The following CTNNA2 variants were observed in gnomAD, a reference collection of about 807,000 sequenced individuals.
CTNNA2 encodes the protein catenin alpha 2, also known as catenin alpha-2.
Under a neutral mutation model 101.0 loss-of-function variants are expected in CTNNA2, and 42 were observed. That is an observed-to-expected ratio of 0.42 (90% CI 0.32 to 0.54). The LOEUF is 0.54. Ranked by LOEUF, CTNNA2 falls within the 20% of genes least tolerant of loss-of-function variation. CTNNA2 has a pLI of 0.14. For synonymous variants in CTNNA2, 450 were observed against 456.4 expected (o/e 0.99, Z 0.18); for missense variants, 871 against 1,223.1 (o/e 0.71, Z 4.29).
chr2:79,953,273 T>TG (rs1227737216), intron 7 of CTNNA2, among the ~76,000 whole-genome samples: 1 of 152,156 alleles, frequency 6.6e-6, no homozygotes, highest in African/African-American at 2.4e-5. Flanking sequence ...TTTCTTTCAC[T>TG]GTACCTTGGT....
intron 7 of CTNNA2, among the ~76,000 whole-genome samples, chr2:80,140,356 G>A (rs1430048090): frequency 2.0e-5 from 3 of 152,180 alleles, no homozygotes; most frequent in South Asian, 4.1e-4. Flanking sequence ...TCACCACCTC[G>A]GGCATGCCAT....
chr2:80,578,307 A>C (rs3821068), intron 13 of CTNNA2, among the ~76,000 whole-genome samples: 3,815 of 152,278 alleles, frequency 0.025, 90 homozygotes, highest in South Asian at 0.11. Context: ...CTTCCCAAAG[A>C]GCACATAGAA....
intron 2 of CTNNA2, among the ~76,000 whole-genome samples, chr2:79,655,193 G>A (rs1446442411): frequency 3.3e-5 from 5 of 152,114 alleles, no homozygotes. Context: ...TAAAAAGTGA[G>A]TGACCTTTTC....
chr2:79,555,699 T>A (rs1279577929), intron 1 of CTNNA2, among the ~76,000 whole-genome samples: 1 of 152,054 alleles, frequency 6.6e-6, no homozygotes. Context: ...TATTTCACAT[T>A]AGGATTTACC....
intron 7 of CTNNA2, among the ~76,000 whole-genome samples, chr2:80,287,510 A>G (rs1288830081): frequency 1.3e-5 from 2 of 152,186 alleles, no homozygotes; most frequent in African/African-American, 4.8e-5. Context: ...ACCAAAAGTA[A>G]TGATGACGAG....
intron 1 of CTNNA2, among the ~76,000 whole-genome samples, chr2:79,559,115 A>G (rs1396119044): frequency 6.6e-6 from 1 of 151,962 alleles, no homozygotes; most frequent in Non-Finnish European, 1.5e-5. Context: ...CTTTATAGAT[A>G]GTGGAGAGGT....
chr2:79,383,533 G>A (rs1007171337), intron 4 of CTNNA2, among the ~76,000 whole-genome samples: 22 of 152,098 alleles, frequency 1.4e-4, no homozygotes, highest in African/African-American at 5.3e-4. Context: ...GTAAGAAGCT[G>A]TTTAAGGAAG....
At chr2:79,191,779 G>C (rs1349803758) in intron 1 of CTNNA2, among the ~76,000 whole-genome samples, 1 of 152,136 alleles carries the variant, frequency 6.6e-6, no homozygotes, top group Non-Finnish European at 1.5e-5. Flanking sequence ...TTCATGAGGG[G>C]AAGTCACAAG....
chr2:79,780,888 T>G (rs976661484), intron 3 of CTNNA2, among the ~76,000 whole-genome samples: 26 of 152,174 alleles, frequency 1.7e-4, no homozygotes, highest in Non-Finnish European at 2.8e-4. Context: ...TTTTCTTTGT[T>G]TTAAGCACTG....
At chr2:79,618,059 A>T (rs1304541068) in intron 1 of CTNNA2, among the ~76,000 whole-genome samples, 2 of 152,076 alleles carry the variant, frequency 1.3e-5, no homozygotes, top group African/African-American at 4.8e-5. Flanking sequence ...CACCACCAAC[A>T]CACACACTCC....
chr2:80,239,371 G>C (rs1709720405), intron 7 of CTNNA2, among the ~76,000 whole-genome samples: 1 of 152,170 alleles, frequency 6.6e-6, no homozygotes, highest in Non-Finnish European at 1.5e-5. Context: ...GTTTGTGTAT[G>C]TGTGTGGGGA....
chr2:79,204,619 C>G (rs1674078293), intron 2 of CTNNA2, among the ~76,000 whole-genome samples: 1 of 152,148 alleles, frequency 6.6e-6, no homozygotes, highest in Non-Finnish European at 1.5e-5. Flanking sequence ...GCTGTTACAA[C>G]AGAATGCCTG....
intron 7 of CTNNA2, among the ~76,000 whole-genome samples, chr2:80,252,327 G>A (rs183226712): frequency 1.4e-4 from 22 of 152,258 alleles, no homozygotes; most frequent in South Asian, 6.2e-4. Context: ...ATACTTACCC[G>A]TTTGGTTATA....
chr2:79,475,824 A>T (rs1389973275), intron 4 of CTNNA2, among the ~76,000 whole-genome samples: 1 of 152,132 alleles, frequency 6.6e-6, no homozygotes, highest in Non-Finnish European at 1.5e-5. Context: ...TTTGTCTATT[A>T]TGCTTGGTAA....
At chr2:80,560,733 G>C (rs1288465358) in intron 12 of CTNNA2, among the ~76,000 whole-genome samples, 1 of 152,092 alleles carries the variant, frequency 6.6e-6, no homozygotes, top group East Asian at 1.9e-4. Context: ...TATAGCTCTA[G>C]TCTCAGTTGG....
intron 9 of CTNNA2, among the ~76,000 whole-genome samples, chr2:80,441,871 C>T (rs1682616534): frequency 6.6e-6 from 1 of 152,146 alleles, no homozygotes; most frequent in African/African-American, 2.4e-5. Context: ...CAGTCAGTAG[C>T]ACTGAGGAGC....
At chr2:80,582,669 T>G (rs1305433805) in intron 14 of CTNNA2, among the ~76,000 whole-genome samples, 1 of 152,168 alleles carries the variant, frequency 6.6e-6, no homozygotes, top group Non-Finnish European at 1.5e-5. Context: ...AAGGGCTCAG[T>G]TTCCAAAGAG....
At chr2:79,943,408 AAAG>A (rs1390820977) in intron 7 of CTNNA2, among the ~76,000 whole-genome samples, 1 of 152,186 alleles carries the variant, frequency 6.6e-6, no homozygotes, top group Non-Finnish European at 1.5e-5. Context: ...TGTAGAAAAA[AAAG>A]AAGTCCAGAG....
chr2:79,201,552 T>TC (rs1316263241), intron 2 of CTNNA2, among the ~76,000 whole-genome samples: 4 of 152,164 alleles, frequency 2.6e-5, no homozygotes, highest in Non-Finnish European at 4.4e-5. Flanking sequence ...AAGTAAAGCT[T>TC]CTTCCAACAA....
Sources: allele counts gnomAD v4.1 joint callset (sites outside exome capture counted in the v4.1 genomes callset), GRCh38; gene constraint gnomAD v4.1.1; transcripts MANE v1.5; gene names NCBI Gene and HGNC (gene_info 2026-07-23, HGNC 2026-07-21).